Variants in GRID2 observed in about 807,000 individuals in gnomAD.
GRID2 encodes glutamate ionotropic receptor delta type subunit 2.
A neutral mutation model predicts 114.8 loss-of-function variants in GRID2; 33 were observed. The ratio of observed to expected loss-of-function variants is 0.29; its 90% CI spans 0.22 to 0.38. The LOEUF (loss-of-function observed/expected upper bound fraction) is 0.38, where lower values mean the gene tolerates loss of function less well. GRID2 is among the 10% of genes least tolerant of loss of function. The pLI, the probability that GRID2 is intolerant of heterozygous loss-of-function variation, is 1.00. For missense variants in GRID2, 1,184 were observed against 1,257.7 expected (o/e 0.94, Z 0.89); for synonymous variants, 505 against 449.9 (o/e 1.12, Z -1.55).
intron 5 of GRID2, among the ~76,000 whole-genome samples, chr4:93,211,933 A>T (rs956601375): frequency 1.3e-5 from 2 of 150,576 alleles, no homozygotes; most frequent in Non-Finnish European, 2.9e-5. Context: ...ATTCTCATTC[A>T]TCCACTTTAT....
Position 93,663,059 on chromosome 4 carries a change from A to G in GRID2, c.2360+36624A>G, listed in dbSNP as rs74858586. Among the ~76,000 whole-genome samples the G allele has an allele frequency of 4.6e-3, 697 of 152,292 alleles. 6 individuals are homozygous for G. The highest frequency in any genetic ancestry group is 0.015 in the African/African-American group (608 of 41,566). ...ATATTGCCACAGAGAGACACAGATA[A>G]ATGGAACAAATGCCAGGCAAACTTT... On this transcript the variant is annotated intron_variant, in intron 14 of 15. Coordinates refer to ENST00000282020, the MANE Select transcript of GRID2 (RefSeq NM_001510.4).
At chr4:92,509,471 T>C (rs756013841) in intron 1 of GRID2, among the ~76,000 whole-genome samples, 3 of 151,950 alleles carry the variant, frequency 2.0e-5, no homozygotes, top group Non-Finnish European at 4.4e-5. Flanking sequence ...CTAAATGCAC[T>C]GAGGCAAAAA....
intron 1 of GRID2, among the ~76,000 whole-genome samples, chr4:92,545,997 TA>T (rs1366393304): frequency 4.6e-5 from 7 of 152,196 alleles, no homozygotes; most frequent in Non-Finnish European, 1.0e-4. Context: ...GGCAAACTTT[TA>T]AAATGCTGCT....
chr4:92,663,039 T>A (rs1402978034), intron 2 of GRID2, among the ~76,000 whole-genome samples: 1 of 151,008 alleles, frequency 6.6e-6, no homozygotes, highest in East Asian at 1.9e-4. Context: ...TCAAACACAC[T>A]GAGATTGATT....
intron 8 of GRID2, among the ~76,000 whole-genome samples, chr4:93,263,416 A>T (rs895687290): frequency 1.3e-5 from 2 of 151,992 alleles, no homozygotes; most frequent in African/African-American, 4.8e-5. Context: ...TTATCTTTTC[A>T]ATCCATCTGA....
At position 93,020,187 on chromosome 4, in the gene GRID2, A is replaced by G. The variant is rs150168361; in HGVS notation, c.245-64808A>G. ...ACTAAAATTAAAGTTTTATTGAGGTAATATTTGAGTGCAATGTCATATTAC... is the reference window on the plus strand; with the variant it reads ...ACTAAAATTAAAGTTTTATTGAGGTGATATTTGAGTGCAATGTCATATTAC... On this transcript the variant is annotated intron_variant, in intron 2 of 15. Transcript: ENST00000282020. Among the ~76,000 whole-genome samples the G allele has an allele frequency of 3.6e-3, 545 of 152,332 alleles. 1 individual carries two copies. Among genetic ancestry groups the G allele is most frequent in the African/African-American group, 0.011 (473 of 41,582 alleles).
At chr4:92,485,715 G>C (rs994025990) in intron 1 of GRID2, among the ~76,000 whole-genome samples, 26 of 151,462 alleles carry the variant, frequency 1.7e-4, no homozygotes, top group Non-Finnish European at 2.9e-4. Context: ...AAAAATGAGA[G>C]AGAGAAAAAC....
chr4:93,532,664 AC>A (rs1244810945), intron 13 of GRID2, among the ~76,000 whole-genome samples: 2 of 152,156 alleles, frequency 1.3e-5, no homozygotes, highest in Non-Finnish European at 2.9e-5. Flanking sequence ...TAACACAAAT[AC>A]ATTTATGCAA....
At chr4:92,305,906 T>C (rs1172761303) in intron 1 of GRID2, among the ~76,000 whole-genome samples, 2 of 152,184 alleles carry the variant, frequency 1.3e-5, no homozygotes, top group Non-Finnish European at 2.9e-5. Context: ...TTTGGGGGAA[T>C]TTTTCTGGGC....
At chr4:92,991,829 T>A (rs986017754) in intron 2 of GRID2, among the ~76,000 whole-genome samples, 1 of 152,174 alleles carries the variant, frequency 6.6e-6, no homozygotes, top group African/African-American at 2.4e-5. Context: ...TAAATCCAAA[T>A]GACATTTTGA....
intron 15 of GRID2, 106 bp from the exon 16 acceptor site, chr4:93,771,970 A>G: frequency 1.5e-6 from 1 of 683,478 alleles, no homozygotes; most frequent in Non-Finnish European, 2.5e-6. Flanking sequence ...TTAAATGAAT[A>G]AACCCCAAAG....
At chr4:93,151,286 C>A (rs1007527768) in intron 4 of GRID2, among the ~76,000 whole-genome samples, 2 of 151,892 alleles carry the variant, frequency 1.3e-5, no homozygotes, top group African/African-American at 4.8e-5. Flanking sequence ...TCTGGTATGC[C>A]TGGAAGGGGT....
chr4:92,962,029 A>G (rs552188272), intron 2 of GRID2, among the ~76,000 whole-genome samples: 2 of 151,864 alleles, frequency 1.3e-5, no homozygotes, highest in South Asian at 4.2e-4. Context: ...TCTGTCTGAG[A>G]ATTTCCGTCT....
chr4:93,251,168 G>C (rs1748877252), intron 8 of GRID2, among the ~76,000 whole-genome samples: 1 of 152,058 alleles, frequency 6.6e-6, no homozygotes, highest in South Asian at 2.1e-4. Context: ...CTCCTTGTTA[G>C]TTGGATAGTT....
intron 11 of GRID2, among the ~76,000 whole-genome samples, chr4:93,462,972 C>T (rs941808306): frequency 7.2e-5 from 11 of 152,058 alleles, no homozygotes; most frequent in African/African-American, 2.7e-4. Flanking sequence ...AGGTTTTTTT[C>T]TACATTGTGT....
intron 8 of GRID2, among the ~76,000 whole-genome samples, chr4:93,370,462 AAC>A (rs1762772218): frequency 7.1e-6 from 1 of 139,944 alleles, no homozygotes; most frequent in Non-Finnish European, 1.6e-5. Context: ...CGCACACACA[AAC>A]ACGCACACAG....
intron 2 of GRID2, among the ~76,000 whole-genome samples, chr4:92,805,298 A>G (rs1023241839): frequency 1.3e-5 from 2 of 151,956 alleles, no homozygotes; most frequent in African/African-American, 4.8e-5. Flanking sequence ...AATAACATAA[A>G]TAAAATAAAT....
At chr4:92,413,218 A>G (rs1247900233) in intron 1 of GRID2, among the ~76,000 whole-genome samples, 1 of 152,142 alleles carries the variant, frequency 6.6e-6, no homozygotes, top group African/African-American at 2.4e-5. Context: ...GATAGGAGGC[A>G]TGTAGCTTTT....
chr4:92,305,369 T>C (rs1188539890), intron 1 of GRID2, among the ~76,000 whole-genome samples: 2 of 152,268 alleles, frequency 1.3e-5, no homozygotes, highest in East Asian at 3.9e-4. Flanking sequence ...CTGGCGGCAG[T>C]GTCGCCAAGG....
Sources: gnomAD v4.1 joint callset for allele counts (sites outside exome capture counted in the v4.1 genomes callset) on GRCh38, gnomAD v4.1.1 for gene constraint, MANE v1.5 for transcripts, NCBI Gene and HGNC (gene_info 2026-07-23, HGNC 2026-07-21) for gene names.